Variants in STT3B observed in about 807,000 individuals in gnomAD.
The protein encoded by STT3B is dolichyl-diphosphooligosaccharide--protein glycosyltransferase subunit STT3B.
Under a neutral mutation model 96.8 loss-of-function variants are expected in STT3B, and 29 were observed. The observed-to-expected ratio is 0.30, with a 90% confidence interval of 0.22 to 0.41. The LOEUF is 0.41. Among genes scored for constraint, STT3B ranks in the 10% least tolerant of loss-of-function variants. The probability of loss-of-function intolerance (pLI) is 1.00; values close to 1 mark genes in which losing one functional copy is unlikely to be tolerated. For synonymous variants in STT3B, 367 were observed against 360.0 expected, an observed-to-expected ratio of 1.02 and a Z score of -0.22; for missense variants, 640 against 1,022.3, an observed-to-expected ratio of 0.63 and a Z score of 5.10.
At chr3:31,623,980 A>G (rs1364447980) in intron 11 of STT3B, 119 bp downstream of exon 11, 1 of 876,122 alleles carries the variant, frequency 1.1e-6, no homozygotes, top group Non-Finnish European at 1.7e-6. Flanking sequence ...CTTGTTTTTA[A>G]TTTTTTATTT....
intron 3 of STT3B, 121 bp downstream of exon 3, chr3:31,580,217 C>T: frequency 1.1e-6 from 1 of 910,644 alleles, no homozygotes. Flanking sequence ...ATCTGTATTA[C>T]TGTTCATAAT....
At chr3:31,612,039 G>C (rs1359081207) in intron 5 of STT3B, among the ~76,000 whole-genome samples, 1 of 152,124 alleles carries the variant, frequency 6.6e-6, no homozygotes, top group African/African-American at 2.4e-5. Flanking sequence ...AGTACAAGTT[G>C]AGTACTCCTA....
chr3:31,616,895 C>T (rs1350169118), intron 6 of STT3B, 34 bp from the exon 7 acceptor site: 3 of 1,560,920 alleles, frequency 1.9e-6, no homozygotes, highest in Non-Finnish European at 2.6e-6. Context: ...TGGAAAACTG[C>T]TTTGTTGATT....
intron 3 of STT3B, 114 bp downstream of exon 3, chr3:31,580,210 T>A: frequency 1.0e-6 from 1 of 956,916 alleles, no homozygotes; most frequent in Non-Finnish European, 1.6e-6. Context: ...TACAGAGATC[T>A]GTATTACTGT....
intron 13 of STT3B, 73 bp from the exon 14 acceptor site, chr3:31,629,225 A>T: frequency 2.4e-6 from 2 of 842,336 alleles, no homozygotes; most frequent in South Asian, 3.0e-5. Context: ...TTACAGGGAA[A>T]TGAAAAGAGG....
chr3:31,594,826 A>G lies in STT3B; in HGVS notation c.712-1972A>G, dbSNP rs568424454. 4.6e-5 allele frequency among the ~76,000 whole-genome samples: 7 copies of G among 152,276 alleles called. No individual in the cohort carries two copies. In the South Asian group the frequency reaches 1.5e-3, roughly 32 times the overall value. ...GAAAGATACCCTAAATTATACAGAT[A>G]AACAGCCAGATGAAGAGATACGTAG... On this transcript the variant is annotated intron_variant, in intron 3 of 15. Transcript: ENST00000295770.
At chr3:31,613,566 A>G (rs565212220) in intron 5 of STT3B, among the ~76,000 whole-genome samples, 3 of 152,122 alleles carry the variant, frequency 2.0e-5, no homozygotes, top group Admixed American at 2.0e-4. Flanking sequence ...CCCACATTCT[A>G]TAGTGAGGAA....
intron 1 of STT3B, among the ~76,000 whole-genome samples, chr3:31,540,147 A>G (rs1697228377): frequency 6.6e-6 from 1 of 152,130 alleles, no homozygotes; most frequent in Non-Finnish European, 1.5e-5. Context: ...ACTTTCTACC[A>G]CTTAGTTTAA....
intron 2 of STT3B, among the ~76,000 whole-genome samples, chr3:31,577,201 A>T (rs1196728578): frequency 6.6e-6 from 1 of 151,970 alleles, no homozygotes; most frequent in Non-Finnish European, 1.5e-5. Flanking sequence ...TGCATTTTTT[A>T]AATTTTAATT....
chr3:31,635,971 TG>T lies in STT3B; in HGVS notation c.2401-12del, dbSNP rs769853478. 3.8e-6 allele frequency: 6 copies of T among 1,593,306 alleles called. No homozygotes were observed. The highest frequency in any genetic ancestry group is 1.8e-5 in the Admixed American group (1 of 56,626). ...AAACCTGCATTAATACTATGTGTTT[TG>T]TTTTTTTATAGACTACCAAAAGGAA... is the stretch of plus-strand genomic sequence containing the variant. On this transcript the variant is annotated splice_polypyrimidine_tract_variant and intron_variant, in intron 15 of 15. Coordinates refer to ENST00000295770, the MANE Select transcript of STT3B (RefSeq NM_178862.3).
chr3:31,570,577 A>G (rs1698112744), intron 1 of STT3B, among the ~76,000 whole-genome samples: 1 of 152,228 alleles, frequency 6.6e-6, no homozygotes, highest in Non-Finnish European at 1.5e-5. Flanking sequence ...CAGGTGTGAT[A>G]AATACATTCA....
At position 31,626,007 on chromosome 3, in the gene STT3B, T is replaced by G. The variant is rs753288050; in HGVS notation, c.1953T>G (p.Thr651=). 1.4e-5 allele frequency: 22 copies of G among 1,613,666 alleles called. No individual in the cohort carries two copies. Among genetic ancestry groups the G allele is most frequent in the Non-Finnish European group, 1.8e-5 (21 of 1,179,794 alleles). ...CAGCAGCCTATAAAATCATGAGGACTCTAGATGTAGATTATGTTTTGGTTA... is the reference window on the plus strand; with the variant it reads ...CAGCAGCCTATAAAATCATGAGGACGCTAGATGTAGATTATGTTTTGGTTA... ...NETAAYKIMR[T]LDVDYVLVIF... is the part of the protein sequence containing the mutation. The change falls in exon 13 of 16, where the codon ACT becomes ACG. Residue 651 remains threonine, a synonymous_variant. Transcript: ENST00000295770.
rs10696158 is a variant in STT3B at position 31,543,067 on chromosome 3, C to CAA, written c.314+9771_314+9772dup. Among the ~76,000 whole-genome samples, 796 of 109,394 alleles carry CAA rather than the reference C, an allele frequency of 7.3e-3. 31 individuals carry two copies. The highest frequency in any genetic ancestry group is 0.011 in the Admixed American group (112 of 9,952). The allele number at this position is 109,394 out of a possible 152,430, so 71.8% of individuals were successfully genotyped here. On this transcript the variant is annotated intron_variant, in intron 1 of 15. Transcript: ENST00000295770. ...GGCAACAGAGTGAGACTCCATCTCA[C>CAA]AAAAAAAAAAAAAAAAAGAGAAAGA...
chr3:31,587,689 TTCTG>T (rs1306877068), intron 3 of STT3B, among the ~76,000 whole-genome samples: 1 of 152,170 alleles, frequency 6.6e-6, no homozygotes, highest in African/African-American at 2.4e-5. Flanking sequence ...GGGTTCTAAT[TTCTG>T]TCTATGATGA....
intron 3 of STT3B, among the ~76,000 whole-genome samples, chr3:31,581,918 G>A (rs541958600): frequency 2.0e-5 from 3 of 152,152 alleles, no homozygotes; most frequent in African/African-American, 7.2e-5. Context: ...ACTTAGTCTT[G>A]GTAGGTTTTT....
intron 3 of STT3B, among the ~76,000 whole-genome samples, chr3:31,586,577 A>G (rs1415981087): frequency 6.6e-6 from 1 of 152,074 alleles, no homozygotes; most frequent in African/African-American, 2.4e-5. Flanking sequence ...GTCTGGTGCA[A>G]TATAAGGGTT....
chr3:31,623,620 A>C (rs1020930454), intron 10 of STT3B, 54 bp from the exon 11 acceptor site: 3 of 1,390,076 alleles, frequency 2.2e-6, no homozygotes, highest in Non-Finnish European at 3.0e-6. Context: ...TGAGTATCTT[A>C]ATGAAGCAAG....
At chr3:31,544,794 G>C (rs1697360392) in intron 1 of STT3B, among the ~76,000 whole-genome samples, 1 of 152,116 alleles carries the variant, frequency 6.6e-6, no homozygotes, top group Admixed American at 6.5e-5. Flanking sequence ...TGGCCAACAT[G>C]ATGAAACCCT....
intron 12 of STT3B, 113 bp from the exon 13 acceptor site, chr3:31,625,841 T>A (rs1401215823): frequency 2.0e-5 from 20 of 1,011,866 alleles, no homozygotes; most frequent in African/African-American, 3.3e-5. Flanking sequence ...TGCAAAAAAA[T>A]TCCATGTAAA....
Sources: gnomAD v4.1 joint callset for allele counts (sites outside exome capture counted in the v4.1 genomes callset) on GRCh38, gnomAD v4.1.1 for gene constraint, MANE v1.5 for transcripts, NCBI Gene and HGNC (gene_info 2026-07-23, HGNC 2026-07-21) for gene names.